Variants in SOX6 observed in about 807,000 individuals in gnomAD.
SOX6 encodes SRY-box transcription factor 6.
In SOX6, 11 loss-of-function variants were observed where a neutral mutation model predicts 97.8. That is an observed-to-expected ratio of 0.11 (90% CI 0.07 to 0.19). SOX6 has a LOEUF of 0.19. Ranked by LOEUF, SOX6 falls within the 10% of genes least tolerant of loss-of-function variation. The pLI, the probability that SOX6 is intolerant of heterozygous loss-of-function variation, is 1.00. For missense variants in SOX6, 810 were observed against 1,039.5 expected (o/e 0.78, Z 3.04); for synonymous variants, 360 against 371.4 (o/e 0.97, Z 0.35).
chr11:15,996,620 AAAAC>A (rs1021095091), intron 13 of SOX6, among the ~76,000 whole-genome samples: 55 of 152,168 alleles, frequency 3.6e-4, no homozygotes, highest in Non-Finnish European at 7.2e-4. Flanking sequence ...CTCAAAACAA[AAAAC>A]AAACAAACAA....
At chr11:16,738,415 C>T (rs566770608) in intron 1 of SOX6, 8 of 300,908 alleles carry the variant, frequency 2.7e-5, no homozygotes, top group Non-Finnish European at 4.5e-5. Flanking sequence ...AGCTCTCGGC[C>T]AACGCTCACC....
chr11:16,629,147 T>A (rs900351945), intron 3 of SOX6, among the ~76,000 whole-genome samples: 1 of 152,208 alleles, frequency 6.6e-6, no homozygotes, highest in Non-Finnish European at 1.5e-5. Flanking sequence ...AGGAGTGGTA[T>A]AACAGTGGGC....
chr11:16,159,746 C>T (rs1460161045), intron 6 of SOX6, among the ~76,000 whole-genome samples: 2 of 152,090 alleles, frequency 1.3e-5, no homozygotes, highest in African/African-American at 4.8e-5. Flanking sequence ...ATTCTATTGA[C>T]ATTTATTGGC....
intron 3 of SOX6, among the ~76,000 whole-genome samples, chr11:16,712,362 A>C (rs1280216456): frequency 2.0e-5 from 3 of 151,994 alleles, no homozygotes; most frequent in Admixed American, 2.0e-4. Context: ...TTACATTCCC[A>C]CCAGCAGTGT....
chr11:16,334,983 A>T (rs937011399), intron 2 of SOX6, among the ~76,000 whole-genome samples: 1 of 152,332 alleles, frequency 6.6e-6, no homozygotes, highest in South Asian at 2.1e-4. Context: ...GTGTAAAAAT[A>T]TAAAGGAAAT....
chr11:16,710,735 C>G (rs1031046517), intron 3 of SOX6, among the ~76,000 whole-genome samples: 2 of 152,158 alleles, frequency 1.3e-5, no homozygotes, highest in Non-Finnish European at 2.9e-5. Context: ...GAATACCATC[C>G]CTTTATTGAT....
chr11:16,445,960 A>T (rs777198127), intron 1 of SOX6, among the ~76,000 whole-genome samples: 3 of 152,132 alleles, frequency 2.0e-5, no homozygotes, highest in Non-Finnish European at 4.4e-5. Flanking sequence ...AGAGGGCAAC[A>T]TTTCAACATT....
intron 3 of SOX6, among the ~76,000 whole-genome samples, chr11:16,309,522 T>C (rs1454888880): frequency 6.6e-6 from 1 of 152,148 alleles, no homozygotes; most frequent in Non-Finnish European, 1.5e-5. Flanking sequence ...AGATAATGAT[T>C]AACAAAGTTC....
At chr11:16,264,028 C>A (rs759825308) in intron 3 of SOX6, among the ~76,000 whole-genome samples, 1 of 151,830 alleles carries the variant, frequency 6.6e-6, no homozygotes, top group Non-Finnish European at 1.5e-5. Context: ...ACAGTTAAAT[C>A]CCTTTGTCTC....
intron 6 of SOX6, among the ~76,000 whole-genome samples, chr11:16,123,791 A>T (rs1849547861): frequency 6.6e-6 from 1 of 152,108 alleles, no homozygotes; most frequent in Admixed American, 6.6e-5. Context: ...ATTTAATTTT[A>T]TACTTTTATT....
intron 3 of SOX6, among the ~76,000 whole-genome samples, chr11:16,627,227 T>C (rs1848635155): frequency 6.6e-6 from 1 of 152,226 alleles, no homozygotes; most frequent in Admixed American, 6.5e-5. Context: ...CCACCGTTGA[T>C]GGGCACCTAG....
At chr11:16,644,883 A>T (rs889141615) in intron 3 of SOX6, among the ~76,000 whole-genome samples, 2 of 152,182 alleles carry the variant, frequency 1.3e-5, no homozygotes, top group Non-Finnish European at 2.9e-5. Flanking sequence ...ATTTTGTCAC[A>T]TTGTCTAGGA....
At chr11:16,292,705 C>T (rs1854952013) in intron 3 of SOX6, among the ~76,000 whole-genome samples, 1 of 152,152 alleles carries the variant, frequency 6.6e-6, no homozygotes, top group East Asian at 1.9e-4. Context: ...CTGAATACAG[C>T]TGGAAAGTGC....
chr11:16,393,812 T>C (rs748168845), intron 1 of SOX6, among the ~76,000 whole-genome samples: 1 of 152,002 alleles, frequency 6.6e-6, no homozygotes, highest in Non-Finnish European at 1.5e-5. Context: ...CTTTAGAAAA[T>C]TGGAAAAAAT....
At chr11:16,178,890 T>G (rs1318756643) in intron 6 of SOX6, among the ~76,000 whole-genome samples, 4 of 151,938 alleles carry the variant, frequency 2.6e-5, no homozygotes, top group Non-Finnish European at 5.9e-5. Context: ...GGTTTTTCTG[T>G]TGGGTGCTCC....
intron 3 of SOX6, among the ~76,000 whole-genome samples, chr11:16,236,100 T>G (rs1853012120): frequency 1.3e-5 from 2 of 152,008 alleles, no homozygotes; most frequent in South Asian, 4.1e-4. Flanking sequence ...TTTTCCTTCC[T>G]TCCTACCTTC....
At chr11:16,502,048 A>G (rs1254559912) in intron 4 of SOX6, among the ~76,000 whole-genome samples, 3 of 152,202 alleles carry the variant, frequency 2.0e-5, no homozygotes, top group African/African-American at 7.2e-5. Context: ...AATAGCAAAG[A>G]CTTGGAACCA....
intron 4 of SOX6, among the ~76,000 whole-genome samples, chr11:16,539,057 T>C (rs1861359129): frequency 6.6e-6 from 1 of 152,200 alleles, no homozygotes; most frequent in Non-Finnish European, 1.5e-5. Context: ...ATCCTAAAAT[T>C]GACTACTTAA....
chr11:16,298,125 T>C (rs982141056), intron 3 of SOX6, among the ~76,000 whole-genome samples: 1 of 152,202 alleles, frequency 6.6e-6, no homozygotes, highest in Non-Finnish European at 1.5e-5. Flanking sequence ...TAATATACGT[T>C]CTTCTGACTG....
Sources: gnomAD v4.1 joint callset for allele counts (sites outside exome capture counted in the v4.1 genomes callset) on GRCh38, gnomAD v4.1.1 for gene constraint, MANE v1.5 for transcripts, NCBI Gene and HGNC (gene_info 2026-07-23, HGNC 2026-07-21) for gene names.